Variants in CRYBG1 observed in about 807,000 individuals in gnomAD.
The protein encoded by CRYBG1 is crystallin beta-gamma domain containing 1.
A neutral mutation model predicts 189.2 loss-of-function variants in CRYBG1; 139 were observed. The observed-to-expected ratio is 0.73, with a 90% CI of 0.64 to 0.85. The LOEUF is 0.85. Ranked by LOEUF, CRYBG1 falls within the 40% of genes least tolerant of loss-of-function variation. The pLI, the probability that CRYBG1 is intolerant of heterozygous loss-of-function variation, is 0.00. For synonymous variants in CRYBG1, 1,023 were observed against 1,017.1 expected (o/e 1.01, Z -0.11); for missense variants, 2,611 against 2,675.8 (o/e 0.98, Z 0.53).
At chr6:106,566,464 CTTTTTTT>C (rs34773477) in intron 21 of CRYBG1, among the ~76,000 whole-genome samples, 32 of 71,648 alleles carry the variant, frequency 4.5e-4, no homozygotes, top group African/African-American at 1.2e-3. Context: ...CAACAACAGT[CTTTTTTT>C]TTTTTTTTTT....
chr6:106,379,670 C>T (rs935166812), intron 1 of CRYBG1, among the ~76,000 whole-genome samples: 16 of 151,214 alleles, frequency 1.1e-4, no homozygotes, highest in Middle Eastern at 3.6e-3. Context: ...GCAATCCTCC[C>T]GCCTTAGCCT....
intron 2 of CRYBG1, among the ~76,000 whole-genome samples, chr6:106,489,787 C>CAAAAAAAAAA (rs10593320): frequency 4.2e-4 from 34 of 81,324 alleles, no homozygotes; most frequent in East Asian, 1.2e-3. Context: ...ACTCTGTGTC[C>CAAAAAAAAAA]AAAAAAAAAA....
rs1355562604 is a variant in CRYBG1, at chr6:106,512,516, G to A, written c.1399G>A (p.Val467Met). The A allele has an allele frequency of 6.2e-7, 1 of 1,610,786 alleles. No homozygotes were observed. Among genetic ancestry groups the A allele is most frequent in the Non-Finnish European group, 8.5e-7 (1 of 1,179,038 alleles). Reference protein sequence around the residue: ...ASDNASAEKKVKSPRAALDGG... With the variant: ...ASDNASAEKKMKSPRAALDGG... ...CGATAACGCCTCGGCGGAAAAGAAA[G>A]TGAAATCTCCGCGGGCAGCCCTCGA... Residue 467 changes from valine (V) to methionine (M), a missense_variant, in exon 3 of 22, where the codon GTG becomes ATG. Physicochemically the swap from Val to Met is conservative, Grantham distance 21. Around this residue, in one of 3 missense-constraint regions of CRYBG1, gnomAD observed 985 missense variants for 924.4 expected, o/e 1.07. Transcript: ENST00000633556.
Position 106,553,458 on chromosome 6 carries a change from C to A in CRYBG1, c.5476C>A (p.His1826Asn). 6.2e-7 allele frequency: 1 copy of A among 1,600,420 alleles called. No homozygotes were observed. Among genetic ancestry groups the A allele is most frequent in the South Asian group, 1.1e-5 (1 of 90,462 alleles). Residue 1826 changes from histidine (H) to asparagine (N), a missense_variant, in exon 16 of 22, where the codon CAC becomes AAC. His to Asn is a moderately conservative substitution (Grantham distance 68). Coordinates refer to ENST00000633556, the MANE Select transcript of CRYBG1 (RefSeq NM_001371242.2). ...FTGPRRRNQI[H>N]LFSEPQFQGH... ...GTTTCTGTTTACTTTTTCAAAGATT[C>A]ACTTGTTTTCAGAACCACAGTTTCA... is the stretch of plus-strand genomic sequence containing the variant.
chr6:106,554,040 C>T (rs1414880533), intron 16 of CRYBG1, among the ~76,000 whole-genome samples: 1 of 152,144 alleles, frequency 6.6e-6, no homozygotes, highest in African/African-American at 2.4e-5. Context: ...GTTTAGATGG[C>T]TTCCACAGGA....
chr6:106,525,056 C>A, intron 4 of CRYBG1, 77 bp from the exon 5 acceptor site: 1 of 1,457,642 alleles, frequency 6.9e-7, no homozygotes, highest in Non-Finnish European at 9.6e-7. Flanking sequence ...GATCTACCTA[C>A]AGGATCGTGG....
intron 2 of CRYBG1, among the ~76,000 whole-genome samples, chr6:106,485,329 C>A (rs1383271268): frequency 6.6e-6 from 1 of 152,106 alleles, no homozygotes; most frequent in African/African-American, 2.4e-5. Flanking sequence ...AGAAATGCTA[C>A]TGATTTTTCT....
Position 106,527,436 on chromosome 6 carries a change from C to T in CRYBG1, c.4544C>T (p.Pro1515Leu). 3.7e-6 allele frequency: 6 copies of T among 1,612,558 alleles called. No homozygotes were observed. The highest frequency in any genetic ancestry group is 5.1e-6 in the Non-Finnish European group (6 of 1,179,084). ...ERHEEAESDK[P>L]VVIGSIRHVV... is the part of the protein sequence containing the mutation. ...CACGAAGAAGCAGAGTCTGATAAGC[C>T]AGTGGTGATTGGTTCCATCAGACAT... The change falls in exon 7 of 22, where the codon CCA (proline) becomes CTA (leucine). Residue 1515 changes from proline (P) to leucine (L), a missense_variant. Transcript: ENST00000633556.
intron 2 of CRYBG1, among the ~76,000 whole-genome samples, chr6:106,499,313 C>G (rs974313181): frequency 1.5e-4 from 22 of 142,474 alleles, no homozygotes; most frequent in African/African-American, 5.4e-4. Flanking sequence ...CCACCACACC[C>G]GGCTAATTTT....
chr6:106,417,372 G>A (rs541246884), intron 1 of CRYBG1, among the ~76,000 whole-genome samples: 1 of 152,154 alleles, frequency 6.6e-6, no homozygotes, highest in South Asian at 2.1e-4. Flanking sequence ...GTGGCCTGAG[G>A]GTGAAGGCTG....
chr6:106,496,140 A>G (rs1014071083), intron 2 of CRYBG1, among the ~76,000 whole-genome samples: 1 of 152,228 alleles, frequency 6.6e-6, no homozygotes, highest in Non-Finnish European at 1.5e-5. Flanking sequence ...TATTGGAGAC[A>G]CTGGGCTTCT....
chr6:106,481,013 G>A lies in CRYBG1; in HGVS notation c.312+29181G>A, dbSNP rs866041213. On this transcript the variant is annotated intron_variant, in intron 2 of 21. Coordinates refer to ENST00000633556, the MANE Select transcript of CRYBG1 (RefSeq NM_001371242.2). ...TTTTTAGACGGAGTCTCGCTCTGTCGCCCAGGCTGGAGTGCAGTGGCGGGA... is the reference window on the plus strand; with the variant it reads ...TTTTTAGACGGAGTCTCGCTCTGTCACCCAGGCTGGAGTGCAGTGGCGGGA... 9.8e-3 allele frequency among the ~76,000 whole-genome samples: 396 copies of A among 40,338 alleles called. 56 individuals are homozygous for A. The highest frequency in any genetic ancestry group is 0.053 in the African/African-American group (372 of 7,080). The allele number at this position is 40,338 out of a possible 152,430, so 26.5% of individuals were successfully genotyped here.
chr6:106,508,115 T>C (rs561254113), intron 2 of CRYBG1, among the ~76,000 whole-genome samples: 1 of 152,318 alleles, frequency 6.6e-6, no homozygotes, highest in East Asian at 1.9e-4. Flanking sequence ...TGGTGGCACA[T>C]GCCTATAGTC....
chr6:106,542,002 T>G (rs1057253586), intron 10 of CRYBG1, among the ~76,000 whole-genome samples: 4 of 152,170 alleles, frequency 2.6e-5, no homozygotes. Flanking sequence ...ATACCCTTTC[T>G]GCTATTCCCA....
intron 2 of CRYBG1, among the ~76,000 whole-genome samples, chr6:106,477,766 A>G (rs1772361180): frequency 6.6e-6 from 1 of 152,212 alleles, no homozygotes; most frequent in Non-Finnish European, 1.5e-5. Flanking sequence ...CTTTCTACCC[A>G]GGTTTTCCTG....
At chr6:106,400,668 C>T (rs1770705067) in intron 1 of CRYBG1, among the ~76,000 whole-genome samples, 2 of 151,978 alleles carry the variant, frequency 1.3e-5, no homozygotes, top group Admixed American at 1.3e-4. Context: ...GGCACTATAC[C>T]AGAAGTAAGA....
chr6:106,384,513 G>A (rs1254261871), intron 1 of CRYBG1, among the ~76,000 whole-genome samples: 1 of 152,076 alleles, frequency 6.6e-6, no homozygotes, highest in African/African-American at 2.4e-5. Flanking sequence ...GGGGGTGATG[G>A]GAGAGAGTGA....
intron 1 of CRYBG1, among the ~76,000 whole-genome samples, chr6:106,428,904 C>T (rs1212345243): frequency 1.3e-5 from 2 of 152,184 alleles, no homozygotes; most frequent in Non-Finnish European, 2.9e-5. Flanking sequence ...GAGGCATCTT[C>T]TCCAACTTTT....
intron 2 of CRYBG1, among the ~76,000 whole-genome samples, chr6:106,488,341 C>G (rs6902756): frequency 0.12 from 18,703 of 152,194 alleles, 1,329 homozygotes; most frequent in East Asian, 0.27. Context: ...CAGGCTTGCT[C>G]TCAGGCCAGG....
Sources: gnomAD v4.1 joint callset for allele counts (sites outside exome capture counted in the v4.1 genomes callset) on GRCh38, gnomAD v4.1.1 for gene constraint, gnomAD v4.1.1 regional missense constraint, MANE v1.5 for transcripts, NCBI Gene and HGNC (gene_info 2026-07-23, HGNC 2026-07-21) for gene names.